Variants in XPO1 observed in about 807,000 individuals in gnomAD.
XPO1 encodes the protein exportin 1, also known as exportin-1.
XPO1 carries 5 observed loss-of-function variants against 133.3 expected under a neutral mutation model. The ratio of observed to expected loss-of-function variants is 0.04; its 90% confidence interval spans 0.02 to 0.08. The LOEUF is 0.08. Among genes scored for constraint, XPO1 ranks in the 10% least tolerant of loss-of-function variants. The pLI is 1.00. For missense variants in XPO1, 506 were observed against 1,267.5 expected (o/e 0.40, Z 9.12); for synonymous variants, 419 against 408.2 (o/e 1.03, Z -0.32).
In XPO1 at chr2:61,525,470, T is replaced by G. The variant is rs1698873627; in HGVS notation, c.228+950A>C. 3.0e-6 allele frequency: 3 copies of G among 1,007,366 alleles called. No individual in the cohort carries two copies. The South Asian group carries it at 1.4e-4, about 47-fold the overall frequency. The allele number at this position is 1,007,366 out of a possible 1,614,324, so 62.4% of individuals were successfully genotyped here. On this transcript the variant is annotated intron_variant, in intron 3 of 24. Coordinates refer to ENST00000401558, the MANE Select transcript of XPO1 (RefSeq NM_003400.4). ...TTAGCACCAAATCATTTGTAATTTA[T>G]GTAAATTGAAGAATTCTTTACCTGT...
intron 16 of XPO1, among the ~76,000 whole-genome samples, chr2:61,491,034 A>G (rs768797860): frequency 1.8e-4 from 27 of 152,032 alleles, no homozygotes; most frequent in Non-Finnish European, 3.5e-4. Context: ...GCAGGTGCCT[A>G]TAATTCCAGT....
intron 7 of XPO1, 117 bp downstream of exon 7, chr2:61,499,596 C>T (rs1265677577): frequency 2.0e-6 from 2 of 1,016,998 alleles, no homozygotes; most frequent in Non-Finnish European, 2.8e-6. Context: ...AAAACCACTA[C>T]AAGCAATTTA....
At chr2:61,484,238 G>A in intron 20 of XPO1, 133 bp from the exon 21 acceptor site, 3 of 729,608 alleles carry the variant, frequency 4.1e-6, no homozygotes, top group East Asian at 5.6e-5. Flanking sequence ...AATGCCTCCT[G>A]AAAGGTAAAC....
chr2:61,513,433 T>C (rs1698197313), intron 4 of XPO1, among the ~76,000 whole-genome samples: 1 of 150,108 alleles, frequency 6.7e-6, no homozygotes, highest in African/African-American at 2.5e-5. Context: ...TGGTGTGATC[T>C]AGGCTTACTG....
chr2:61,500,595 A>AAAAAAAAAAAAAAAC (rs1697461066), intron 6 of XPO1, among the ~76,000 whole-genome samples: 1 of 147,908 alleles, frequency 6.8e-6, no homozygotes, highest in Non-Finnish European at 1.5e-5. Flanking sequence ...AAAAAAAAAA[A>AAAAAAAAAAAAAAAC]AAAGAGCAGC....
intron 4 of XPO1, among the ~76,000 whole-genome samples, chr2:61,504,581 T>C (rs928584860): frequency 4.6e-5 from 7 of 152,142 alleles, no homozygotes; most frequent in East Asian, 1.9e-4. Context: ...CAGTTAAAGG[T>C]TGTAGAGCTG....
chr2:61,525,913 C>T (rs1451803870), intron 3 of XPO1: 1 of 1,048,942 alleles, frequency 9.5e-7, no homozygotes, highest in Non-Finnish European at 1.2e-6. Flanking sequence ...AGACAAAACA[C>T]ATTTTGATCA....
chr2:61,482,942 G>C lies in XPO1; in HGVS notation c.2812+15C>G, dbSNP rs114013406. ...CCAGCTGGCACTTAACATTTAAATC[G>C]TATTAAATTCTTACCAGCAGTATGT... On this transcript the variant is annotated intron_variant, in intron 22 of 24. Coordinates refer to ENST00000401558, the MANE Select transcript of XPO1 (RefSeq NM_003400.4). The C allele has an allele frequency of 6.2e-7, 1 of 1,613,070 alleles. No individual in the cohort carries two copies. Among genetic ancestry groups the C allele is most frequent in the African/African-American group, 1.3e-5 (1 of 74,950 alleles).
At chr2:61,521,984 C>T (rs1472143671) in intron 4 of XPO1, among the ~76,000 whole-genome samples, 1 of 152,172 alleles carries the variant, frequency 6.6e-6, no homozygotes, top group African/African-American at 2.4e-5. Flanking sequence ...TCTCAAACTT[C>T]TGGCCTTAAA....
Position 61,495,581 on chromosome 2 carries a change from C to T in XPO1, c.921G>A (p.Ala307=), listed in dbSNP as rs370242599. ...GTTCATCATCTTTTCCATTTGAGTA[C>T]GCAAGTCGAATATTGGTATTTAAAG... ...MLPLNTNIRL[A]YSNGKDDEQN... is the part of the protein sequence containing the mutation. Residue 307 remains alanine (A), a synonymous_variant, in exon 11 of 25, where the codon GCG becomes GCA. Transcript: ENST00000401558. 16 of 1,587,852 alleles carry T rather than the reference C, an allele frequency of 1.0e-5. No individual in the cohort carries two copies. The highest frequency in any genetic ancestry group is 1.3e-5 in the African/African-American group (1 of 74,358).
At chr2:61,488,314 T>A in intron 18 of XPO1, 43 bp from the exon 19 acceptor site, 5 of 1,550,572 alleles carry the variant, frequency 3.2e-6, no homozygotes, top group South Asian at 1.1e-5. Flanking sequence ...ACCACTAAAC[T>A]TATACAGTGG....
At chr2:61,517,204 A>G (rs1310778590) in intron 4 of XPO1, among the ~76,000 whole-genome samples, 1 of 152,170 alleles carries the variant, frequency 6.6e-6, no homozygotes, top group African/African-American at 2.4e-5. Flanking sequence ...CCCAGCCTAA[A>G]TGCCATTTTT....
chr2:61,498,957 G>GA, intron 7 of XPO1, 44 bp from the exon 8 acceptor site: 1 of 1,527,044 alleles, frequency 6.5e-7, no homozygotes, highest in Non-Finnish European at 8.8e-7. Flanking sequence ...AGAAGACACA[G>GA]AAATAAGTAT....
At chr2:61,525,658 G>A in intron 3 of XPO1, 1 of 1,024,064 alleles carries the variant, frequency 9.8e-7, no homozygotes, top group Non-Finnish European at 1.2e-6. Context: ...GTTACTTAAG[G>A]TTAGCACTTT....
At chr2:61,498,358 TA>T (rs1697343277) in intron 9 of XPO1, among the ~76,000 whole-genome samples, 1 of 152,220 alleles carries the variant, frequency 6.6e-6, no homozygotes. Context: ...AATTATCAGT[TA>T]AAAGATGAAC....
intron 16 of XPO1, among the ~76,000 whole-genome samples, chr2:61,491,402 G>C (rs1431386919): frequency 1.3e-5 from 2 of 150,558 alleles, no homozygotes; most frequent in Admixed American, 1.3e-4. Context: ...AGTGAGCCGA[G>C]ATTGCGCCAC....
intron 2 of XPO1, among the ~76,000 whole-genome samples, chr2:61,527,129 G>A (rs1698938985): frequency 6.6e-6 from 1 of 152,042 alleles, no homozygotes; most frequent in East Asian, 1.9e-4. Flanking sequence ...GATCTATTCT[G>A]AAGCAAATAA....
At chr2:61,507,298 G>A (rs1484691521) in intron 4 of XPO1, among the ~76,000 whole-genome samples, 1 of 144,928 alleles carries the variant, frequency 6.9e-6, no homozygotes, top group Admixed American at 7.0e-5. Context: ...AACAAGTCAC[G>A]CACGATGGCT....
At chr2:61,501,233 C>T (rs1697501560) in intron 6 of XPO1, among the ~76,000 whole-genome samples, 1 of 151,880 alleles carries the variant, frequency 6.6e-6, no homozygotes, top group Non-Finnish European at 1.5e-5. Flanking sequence ...ACTGTTTTTT[C>T]CCCCACACAT....
Sources: allele counts gnomAD v4.1 joint callset (sites outside exome capture counted in the v4.1 genomes callset), GRCh38; gene constraint gnomAD v4.1.1; transcripts MANE v1.5; gene names NCBI Gene and HGNC (gene_info 2026-07-23, HGNC 2026-07-21).